The following GABRB3 variants were observed in gnomAD, a reference collection of about 807,000 sequenced individuals.
The protein encoded by GABRB3 is gamma-aminobutyric acid type A receptor subunit beta3.
A neutral mutation model predicts 52.1 loss-of-function variants in GABRB3; 14 were observed. The ratio of observed to expected loss-of-function variants is 0.27; its 90% CI spans 0.18 to 0.42. GABRB3 has a LOEUF of 0.42. Among genes scored for constraint, GABRB3 ranks in the 10% least tolerant of loss-of-function variants. GABRB3 has a pLI of 1.00. For missense variants in GABRB3, 307 were observed against 609.1 expected (o/e 0.50, Z 5.22); for synonymous variants, 260 against 232.3 (o/e 1.12, Z -1.08).
chr15:26,659,794 C>T (rs922736666), intron 3 of GABRB3, among the ~76,000 whole-genome samples: 2 of 152,170 alleles, frequency 1.3e-5, no homozygotes, highest in African/African-American at 4.8e-5. Context: ...GAGCACCGGC[C>T]TGCACTGGGC....
chr15:26,732,891 T>C (rs956703872), intron 3 of GABRB3, among the ~76,000 whole-genome samples: 5 of 151,968 alleles, frequency 3.3e-5, no homozygotes, highest in African/African-American at 1.2e-4. Flanking sequence ...CCAGCTACTC[T>C]GGAGGCTAAG....
chr15:26,759,141 T>C (rs1307196177), intron 3 of GABRB3, among the ~76,000 whole-genome samples: 1 of 152,176 alleles, frequency 6.6e-6, no homozygotes, highest in African/African-American at 2.4e-5. Flanking sequence ...ACATCTCTGG[T>C]GCAGGCAGAC....
chr15:26,595,314 G>T (rs1891357823), intron 4 of GABRB3, among the ~76,000 whole-genome samples: 1 of 152,124 alleles, frequency 6.6e-6, no homozygotes, highest in Admixed American at 6.5e-5. Flanking sequence ...ACAATAATTT[G>T]CAAATAAGAT....
At chr15:26,623,787 G>C (rs893270600) in intron 3 of GABRB3, among the ~76,000 whole-genome samples, 2 of 151,940 alleles carry the variant, frequency 1.3e-5, no homozygotes, top group Admixed American at 6.6e-5. Context: ...TGCACACCCC[G>C]TGTCACCCAT....
Position 26,674,357 on chromosome 15 carries a change from C to T in GABRB3, c.241-52823G>A, listed in dbSNP as rs112378345. 3.0e-3 allele frequency among the ~76,000 whole-genome samples: 389 copies of T among 128,528 alleles called. 2 individuals carry two copies. The highest frequency in any genetic ancestry group is 0.01 in the African/African-American group (360 of 34,638). The allele number at this position is 128,528 out of a possible 152,430, so 84.3% of individuals were successfully genotyped here. A position where few individuals can be genotyped will look rare whatever the true frequency, so the allele number is the denominator to read the frequency against. On this transcript the variant is annotated intron_variant, in intron 3 of 8. Coordinates refer to ENST00000311550, the MANE Select transcript of GABRB3 (RefSeq NM_000814.6). The stretch of plus-strand genomic sequence containing the variant: ...CGAAGGCTGCAGTGAGCCGAGATCA[C>T]GCCACTGCACTCCAGCCTGGGTGAC...
intron 3 of GABRB3, among the ~76,000 whole-genome samples, chr15:26,683,311 G>A (rs890642573): frequency 6.7e-6 from 1 of 149,360 alleles, no homozygotes; most frequent in African/African-American, 2.6e-5. Flanking sequence ...CTAGGTATCT[G>A]AGGGTCGATT....
intron 3 of GABRB3, among the ~76,000 whole-genome samples, chr15:26,674,560 G>A (rs1158553052): frequency 3.3e-5 from 5 of 151,854 alleles, no homozygotes; most frequent in African/African-American, 7.3e-5. Context: ...CTGTACTTGC[G>A]GCATTGAAAT....
At chr15:26,583,778 A>AT (rs572548858) in intron 4 of GABRB3, among the ~76,000 whole-genome samples, 13,157 of 140,838 alleles carry the variant, frequency 0.093, 1,587 homozygotes, top group African/African-American at 0.28. Flanking sequence ...TGTATCACCT[A>AT]TTTTTTTTTT....
chr15:26,577,956 C>A (rs995622446), intron 6 of GABRB3, among the ~76,000 whole-genome samples: 1 of 152,140 alleles, frequency 6.6e-6, no homozygotes, highest in African/African-American at 2.4e-5. Context: ...CTGACTAAAT[C>A]TTTTATTTTT....
At chr15:26,758,282 T>G (rs1890717618) in intron 3 of GABRB3, among the ~76,000 whole-genome samples, 1 of 152,240 alleles carries the variant, frequency 6.6e-6, no homozygotes, top group Non-Finnish European at 1.5e-5. Context: ...AATATAGTCT[T>G]GGGCAAAGGT....
At chr15:26,755,849 T>C (rs1480992610) in intron 3 of GABRB3, among the ~76,000 whole-genome samples, 2 of 152,318 alleles carry the variant, frequency 1.3e-5, no homozygotes, top group Admixed American at 6.5e-5. Flanking sequence ...GGCACAAAGA[T>C]ATTCATCAAA....
intron 3 of GABRB3, among the ~76,000 whole-genome samples, chr15:26,758,781 G>GA (rs145567279): frequency 6.7e-5 from 10 of 149,766 alleles, no homozygotes; most frequent in African/African-American, 9.8e-5. Context: ...AAGAAAAAAA[G>GA]AAAAAAAAAC....
intron 4 of GABRB3, among the ~76,000 whole-genome samples, chr15:26,587,594 G>C (rs530189442): frequency 6.6e-6 from 1 of 152,074 alleles, no homozygotes; most frequent in Admixed American, 6.6e-5. Flanking sequence ...AGAAATCATC[G>C]AATGTGTGCT....
At chr15:26,763,780 G>C (rs1389473718) in intron 3 of GABRB3, among the ~76,000 whole-genome samples, 2 of 151,996 alleles carry the variant, frequency 1.3e-5, no homozygotes, top group Admixed American at 1.3e-4. Flanking sequence ...ATACATATAT[G>C]GCAAACACAG....
chr15:26,551,989 G>A (rs888605858), intron 8 of GABRB3, among the ~76,000 whole-genome samples: 3 of 151,746 alleles, frequency 2.0e-5, no homozygotes, highest in Non-Finnish European at 4.4e-5. Flanking sequence ...TGGAATGTCA[G>A]ACCTTGGTGA....
chr15:26,702,186 G>A (rs184398899), intron 3 of GABRB3, among the ~76,000 whole-genome samples: 169 of 152,184 alleles, frequency 1.1e-3, no homozygotes, highest in African/African-American at 3.9e-3. Context: ...TATTGGGAAA[G>A]GATTTATTTG....
chr15:26,770,493 C>T (rs1471503631), intron 3 of GABRB3, among the ~76,000 whole-genome samples: 1 of 152,186 alleles, frequency 6.6e-6, no homozygotes, highest in Non-Finnish European at 1.5e-5. Context: ...TAGGCAAACA[C>T]TGATGAAGTT....
chr15:26,674,760 C>G (rs1488495784), intron 3 of GABRB3, among the ~76,000 whole-genome samples: 1 of 152,048 alleles, frequency 6.6e-6, no homozygotes, highest in Non-Finnish European at 1.5e-5. Flanking sequence ...GAAATTAGAA[C>G]CAGGAAGAGT....
chr15:26,580,064 T>C (rs1018058750), intron 6 of GABRB3, among the ~76,000 whole-genome samples: 2 of 152,228 alleles, frequency 1.3e-5, no homozygotes, highest in African/African-American at 4.8e-5. Flanking sequence ...CAAACATTGA[T>C]TGGTGAAATT....
Sources: allele counts gnomAD v4.1 joint callset (sites outside exome capture counted in the v4.1 genomes callset), GRCh38; gene constraint gnomAD v4.1.1; transcripts MANE v1.5; gene names NCBI Gene and HGNC (gene_info 2026-07-23, HGNC 2026-07-21).